The following KCNB2 variants were observed in gnomAD, a reference collection of about 807,000 sequenced individuals.
KCNB2 encodes delayed rectifier potassium channel protein.
In KCNB2, 15 loss-of-function variants were observed where a neutral mutation model predicts 61.5. The ratio of observed to expected loss-of-function variants is 0.24; its 90% confidence interval spans 0.16 to 0.38. KCNB2 has a LOEUF of 0.38. Ranked by LOEUF, KCNB2 falls within the 10% of genes least tolerant of loss-of-function variation. KCNB2 has a pLI of 1.00. For synonymous variants in KCNB2, 457 were observed against 446.0 expected (o/e 1.02, Z -0.31); for missense variants, 828 against 1,125.2 (o/e 0.74, Z 3.78).
At chr8:72,640,525 G>A (rs925619820) in intron 2 of KCNB2, among the ~76,000 whole-genome samples, 1 of 152,094 alleles carries the variant, frequency 6.6e-6, no homozygotes, top group Admixed American at 6.6e-5. Flanking sequence ...GCTGCTTTCA[G>A]TGGATATCTG....
At chr8:72,709,195 T>A (rs1445333788) in intron 2 of KCNB2, among the ~76,000 whole-genome samples, 1 of 152,156 alleles carries the variant, frequency 6.6e-6, no homozygotes, top group Non-Finnish European at 1.5e-5. Context: ...AGATTTTTTC[T>A]TCAGAAAGAA....
Position 72,729,701 on chromosome 8 carries a change from T to C in KCNB2, c.579+161388T>C, listed in dbSNP as rs560444396. 3.9e-5 allele frequency among the ~76,000 whole-genome samples: 6 copies of C among 152,230 alleles called. No individual in the cohort carries two copies. In the South Asian group the frequency reaches 8.3e-4, roughly 21 times the overall value. On this transcript the variant is annotated intron_variant, in intron 2 of 2. Transcript: ENST00000523207. ...GAGTTCGAGACCAGCCTGACCAACA[T>C]GGAGAAACGCTGTCTCTACTAAAAA...
At chr8:72,567,213 G>A (rs1479595590) in intron 1 of KCNB2, among the ~76,000 whole-genome samples, 9 of 152,064 alleles carry the variant, frequency 5.9e-5, no homozygotes, top group Admixed American at 5.9e-4. Flanking sequence ...CTGGGAGGCT[G>A]AGGTGGGAGG....
chr8:72,709,532 C>G (rs1173741087), intron 2 of KCNB2, among the ~76,000 whole-genome samples: 1 of 151,674 alleles, frequency 6.6e-6, no homozygotes, highest in African/African-American at 2.4e-5. Context: ...GAAGCGGGAG[C>G]AGGTGTGTCA....
At position 72,884,399 on chromosome 8, in the gene KCNB2, G is replaced by A. The variant is rs546302442; in HGVS notation, c.580-51536G>A. On this transcript the variant is annotated intron_variant, in intron 2 of 2. Coordinates refer to ENST00000523207, the MANE Select transcript of KCNB2 (RefSeq NM_004770.3). ...GGGGAGGGGAGTGGGTTGTGTATGC[G>A]TGTGCACGTGTGTGTATGTGTTGTG... 5.9e-5 allele frequency among the ~76,000 whole-genome samples: 9 copies of A among 152,130 alleles called. No homozygotes were observed. The South Asian group carries it at 6.2e-4, about 11-fold the overall frequency.
intron 2 of KCNB2, among the ~76,000 whole-genome samples, chr8:72,680,975 C>G (rs1806740843): frequency 6.6e-6 from 1 of 152,168 alleles, no homozygotes; most frequent in Non-Finnish European, 1.5e-5. Flanking sequence ...TGTATGCCCT[C>G]TACCCTCCTG....
At chr8:72,597,253 C>T (rs938279270) in intron 2 of KCNB2, among the ~76,000 whole-genome samples, 2 of 152,032 alleles carry the variant, frequency 1.3e-5, no homozygotes, top group Non-Finnish European at 2.9e-5. Flanking sequence ...CCAGGTTGGT[C>T]TTGATCTCCC....
At position 72,841,361 on chromosome 8, in the gene KCNB2, C is replaced by CTTTTTTTTTTTT. The variant is rs796222096; in HGVS notation, c.580-94564_580-94563insTTTTTTTTTTTT. ...GATACCTCCAACTTTGTTTTCTTTT[C>CTTTTTTTTTTTT]TTTTTTTTTTCTTTTTTTTTTTTTT... is the stretch of plus-strand genomic sequence containing the variant. On this transcript the variant is annotated intron_variant, in intron 2 of 2. Coordinates refer to ENST00000523207, the MANE Select transcript of KCNB2 (RefSeq NM_004770.3). Among the ~76,000 whole-genome samples, 4 of 66,176 alleles carry CTTTTTTTTTTTT rather than the reference C, an allele frequency of 6.0e-5. 1 individual carries two copies. Among genetic ancestry groups the CTTTTTTTTTTTT allele is most frequent in the East Asian group, 4.3e-4 (1 of 2,304 alleles). The allele number at this position is 66,176 out of a possible 152,430, so 43.4% of individuals were successfully genotyped here. A position where few individuals can be genotyped will look rare whatever the true frequency, so the allele number is the denominator to read the frequency against.
At chr8:72,605,670 A>C (rs1234966767) in intron 2 of KCNB2, among the ~76,000 whole-genome samples, 1 of 152,252 alleles carries the variant, frequency 6.6e-6, no homozygotes, top group Non-Finnish European at 1.5e-5. Flanking sequence ...CACACAAAAT[A>C]ATTTAGTCCC....
intron 2 of KCNB2, among the ~76,000 whole-genome samples, chr8:72,765,970 A>C (rs1808455444): frequency 1.3e-5 from 2 of 152,240 alleles, no homozygotes; most frequent in African/African-American, 4.8e-5. Flanking sequence ...AAATTGATAG[A>C]GACAGATATT....
chr8:72,540,676 G>T (rs1806175688), intron 1 of KCNB2, among the ~76,000 whole-genome samples: 2 of 151,970 alleles, frequency 1.3e-5, no homozygotes, highest in Non-Finnish European at 2.9e-5. Flanking sequence ...TTTCCTCCTT[G>T]TGCTTCTTAA....
At chr8:72,679,648 T>C (rs1046104416) in intron 2 of KCNB2, among the ~76,000 whole-genome samples, 1 of 152,234 alleles carries the variant, frequency 6.6e-6, no homozygotes, top group African/African-American at 2.4e-5. Flanking sequence ...TTATGAGATA[T>C]TTCCAGTTAA....
intron 2 of KCNB2, among the ~76,000 whole-genome samples, chr8:72,621,906 T>C (rs1805718952): frequency 6.6e-6 from 1 of 152,224 alleles, no homozygotes; most frequent in Non-Finnish European, 1.5e-5. Flanking sequence ...GTAGTATTCA[T>C]GTAACCTCAA....
At chr8:72,806,625 A>C (rs1809228613) in intron 2 of KCNB2, among the ~76,000 whole-genome samples, 1 of 152,134 alleles carries the variant, frequency 6.6e-6, no homozygotes, top group South Asian at 2.1e-4. Flanking sequence ...AAAAAAAAAA[A>C]AGATGAATAA....
At chr8:72,888,423 T>C (rs1243922749) in intron 2 of KCNB2, among the ~76,000 whole-genome samples, 1 of 152,182 alleles carries the variant, frequency 6.6e-6, no homozygotes, top group Non-Finnish European at 1.5e-5. Context: ...AGTCAGTTAA[T>C]TTTCTAATCT....
At chr8:72,804,844 T>A (rs1004437795) in intron 2 of KCNB2, among the ~76,000 whole-genome samples, 1 of 152,128 alleles carries the variant, frequency 6.6e-6, no homozygotes. Flanking sequence ...GGCAGAGGCA[T>A]GGAATGGGTA....
chr8:72,810,715 C>T (rs1809293357), intron 2 of KCNB2, among the ~76,000 whole-genome samples: 1 of 152,194 alleles, frequency 6.6e-6, no homozygotes, highest in Non-Finnish European at 1.5e-5. Context: ...TACTTCCAAA[C>T]ATTTCCTATA....
At chr8:72,819,650 G>C (rs1350398398) in intron 2 of KCNB2, among the ~76,000 whole-genome samples, 2 of 152,100 alleles carry the variant, frequency 1.3e-5, no homozygotes, top group African/African-American at 4.8e-5. Flanking sequence ...GCAGCACTTA[G>C]AATGCTAGGT....
intron 2 of KCNB2, among the ~76,000 whole-genome samples, chr8:72,731,624 T>C (rs1807739103): frequency 6.6e-6 from 1 of 152,204 alleles, no homozygotes; most frequent in African/African-American, 2.4e-5. Context: ...GAGGCAGTGT[T>C]CAATGTGAGT....
Sources: gnomAD v4.1 joint callset for allele counts (sites outside exome capture counted in the v4.1 genomes callset) on GRCh38, gnomAD v4.1.1 for gene constraint, MANE v1.5 for transcripts, NCBI Gene and HGNC (gene_info 2026-07-23, HGNC 2026-07-21) for gene names.